MCF2L: variants seen among roughly 807,000 people sequenced by gnomAD.
MCF2L encodes the protein guanine nucleotide exchange factor DBS.
In MCF2L, 97 loss-of-function variants were observed where a neutral mutation model predicts 153.4. The ratio of observed to expected loss-of-function variants is 0.63; its 90% CI spans 0.54 to 0.75. MCF2L has a LOEUF of 0.75. Ranked by LOEUF, MCF2L falls within the 30% of genes least tolerant of loss-of-function variation. The pLI, the probability that MCF2L is intolerant of heterozygous loss-of-function variation, is 0.00. For missense variants in MCF2L, 1,347 were observed against 1,495.2 expected (o/e 0.90, Z 1.64); for synonymous variants, 659 against 632.2 (o/e 1.04, Z -0.64).
Position 113,074,478 on chromosome 13 carries a change from T to G in MCF2L, c.1031T>G (p.Ile344Arg), listed in dbSNP as rs745549893. Reference sequence around the variant, plus strand: ...ATCTTGGACGCAGCGTCCCAGAAGATAGCAACCTTCACAGACATCGGCAAC... The same window carrying G: ...ATCTTGGACGCAGCGTCCCAGAAGAGAGCAACCTTCACAGACATCGGCAAC... ...KAILDAASQKIATFTDIGNSL... is the reference protein window; with the variant it reads ...KAILDAASQKRATFTDIGNSL... The change falls in exon 10 of 30, where the codon ATA becomes AGA. Residue 344 changes from isoleucine (I) to arginine (R), a missense_variant. Coordinates refer to ENST00000535094, the MANE Select transcript of MCF2L (RefSeq NM_001112732.3). This position sits in a 1 kb window ranked among gnomAD's most constrained non-coding sequence, Gnocchi z 4.2. 3 of 1,614,038 alleles carry G rather than the reference T, an allele frequency of 1.9e-6. No homozygotes were observed. Among genetic ancestry groups the G allele is most frequent in the Non-Finnish European group, 2.5e-6 (3 of 1,180,002 alleles).
rs1385588189 is a variant in MCF2L at position 113,054,713 on chromosome 13, C to A, written c.370-5880C>A. 2.0e-5 allele frequency: 3 copies of A among 152,096 alleles called. No homozygotes were observed. The highest frequency in any genetic ancestry group is 2.0e-4 in the Admixed American group (3 of 15,272). 9.4% of individuals were successfully genotyped at this position (152,096 alleles called of 1,614,324 possible). Reference sequence around the variant, plus strand: ...GGGGAGGGTTTTTCAAACAGGGTTCCCCAAAGTACCCAGTTCTACAAAGTT... The same window carrying A: ...GGGGAGGGTTTTTCAAACAGGGTTCACCAAAGTACCCAGTTCTACAAAGTT... On this transcript the variant is annotated intron_variant, in intron 4 of 29. Transcript: ENST00000535094. The surrounding 1 kb of genome is among the most constrained non-coding windows in gnomAD (Gnocchi z 5.2).
chr13:113,090,183 A>C, intron 26 of MCF2L: 1 of 1,506,276 alleles, frequency 6.6e-7, no homozygotes, highest in Admixed American at 2.0e-5. Flanking sequence ...CCTGCCCCAA[A>C]CCCACCCTCA....
chr13:112,908,751 T>TTG (rs397823588), intron 2 of MCF2L, among the ~76,000 whole-genome samples: 1 of 151,316 alleles, frequency 6.6e-6, no homozygotes, highest in Non-Finnish European at 1.5e-5. Context: ...TGTTTTTTTT[T>TTG]GAGACAGAGT....
chr13:113,082,029 C>A (rs1022396168), intron 16 of MCF2L, among the ~76,000 whole-genome samples: 2 of 151,562 alleles, frequency 1.3e-5, no homozygotes, highest in East Asian at 1.9e-4. Context: ...GTGTAGACAG[C>A]GAGTGTGCAC....
chr13:113,090,444 A>T (rs879539824), intron 26 of MCF2L: 1 of 97,972 alleles, frequency 1.0e-5, no homozygotes, highest in Non-Finnish European at 1.4e-5. Flanking sequence ...CCTGCCCCCC[A>T]CCCCCGCCTT....
chr13:113,013,449 T>G (rs965689770), intron 1 of MCF2L, among the ~76,000 whole-genome samples: 1 of 152,200 alleles, frequency 6.6e-6, no homozygotes, highest in African/African-American at 2.4e-5. Context: ...GTCCCATAGC[T>G]GGCAGGGCCG....
intron 3 of MCF2L, among the ~76,000 whole-genome samples, chr13:113,038,976 GC>G (rs2086316078): frequency 6.6e-6 from 1 of 152,174 alleles, no homozygotes; most frequent in African/African-American, 2.4e-5. Context: ...TCCTGCCTTA[GC>G]CTCCCGCATA....
intron 11 of MCF2L, among the ~76,000 whole-genome samples, chr13:113,075,397 T>C (rs1594941450): frequency 7.1e-6 from 1 of 139,976 alleles, no homozygotes. Context: ...TTTTTTTTTT[T>C]CTCACTGCAA....
rs75351348 is a variant in MCF2L at position 113,031,374 on chromosome 13, G to A, written c.278+6616G>A. Among the ~76,000 whole-genome samples the A allele has an allele frequency of 0.066, 9,991 of 152,230 alleles. 397 individuals are homozygous for A. The highest frequency in any genetic ancestry group is 0.18 in the East Asian group (938 of 5,160). ...ACTTAATGTAAACTGGGAAGCATTC[G>A]TCACAGAGATCCCAGGAGGGCGCCA... On this transcript the variant is annotated intron_variant, in intron 3 of 29. Coordinates refer to ENST00000535094, the MANE Select transcript of MCF2L (RefSeq NM_001112732.3). The surrounding 1 kb of genome is among the most constrained non-coding windows in gnomAD (Gnocchi z 5.5).
At chr13:113,037,750 G>A (rs2086239732) in intron 3 of MCF2L, among the ~76,000 whole-genome samples, 1 of 152,200 alleles carries the variant, frequency 6.6e-6, no homozygotes, top group Non-Finnish European at 1.5e-5. Context: ...TCATGGTGAG[G>A]TATTGAACGC....
At chr13:113,089,177 C>G (rs1191244747) in intron 25 of MCF2L, among the ~76,000 whole-genome samples, 2 of 125,126 alleles carry the variant, frequency 1.6e-5, no homozygotes, top group East Asian at 2.8e-4. Flanking sequence ...CCGCCCCCCC[C>G]CCCGCCCCCC....
At chr13:112,985,113 G>C in intron 1 of MCF2L, 1 of 292,556 alleles carries the variant, frequency 3.4e-6, no homozygotes, top group South Asian at 3.0e-5. Flanking sequence ...GCTCAGGCTT[G>C]TTCCTTTTTC....
At position 113,035,969 on chromosome 13, in the gene MCF2L, T is replaced by A. The variant is rs2141426737; in HGVS notation, c.279-9302T>A. On this transcript the variant is annotated intron_variant, in intron 3 of 29. Coordinates refer to ENST00000535094, the MANE Select transcript of MCF2L (RefSeq NM_001112732.3). The surrounding 1 kb of genome is among the most constrained non-coding windows in gnomAD (Gnocchi z 4.4). The stretch of plus-strand genomic sequence containing the variant: ...TTTGACCTCAGCAGGTAGAGTATCA[T>A]CTCCGTGGTACAGCAGGGGCCTGAG... Among the ~76,000 whole-genome samples, 1 of 152,072 alleles carries A rather than the reference T, an allele frequency of 6.6e-6. No homozygotes were observed. Among genetic ancestry groups the A allele is most frequent in the South Asian group, 2.1e-4 (1 of 4,804 alleles).
intron 2 of MCF2L, among the ~76,000 whole-genome samples, chr13:112,939,722 A>G (rs2081556154): frequency 6.6e-6 from 1 of 152,208 alleles, no homozygotes; most frequent in Non-Finnish European, 1.5e-5. Flanking sequence ...TCACGCCTGT[A>G]ATCCCAGCAC....
chr13:112,924,056 C>T (rs1040693478), intron 2 of MCF2L, among the ~76,000 whole-genome samples: 2 of 152,014 alleles, frequency 1.3e-5, no homozygotes, highest in African/African-American at 4.8e-5. Flanking sequence ...CCGGTTTATC[C>T]CGTTACTGGT....
rs759721293 is a variant in MCF2L at position 113,085,118 on chromosome 13, C to A, written c.2187C>A (p.Ser729Arg). 15 of 1,613,714 alleles carry A rather than the reference C, an allele frequency of 9.3e-6. No individual in the cohort carries two copies. The highest frequency in any genetic ancestry group is 1.3e-5 in the Non-Finnish European group (15 of 1,180,028). ...AGAGAAAGCTGGACCACAAGCTGAG[C>A]CTGGACTCCTACCTGCTGAAGCCAG... ...ECQRKLDHKL[S>R]LDSYLLKPVQ... Residue 729 changes from serine to arginine, a missense_variant, in exon 20 of 30, where the codon AGC becomes AGA. Ser to Arg is a moderately radical substitution (Grantham distance 110). This residue lies in a region of MCF2L where 144 missense variants were observed against 238.7 expected (regional missense o/e 0.60). Transcript: ENST00000535094.
intron 1 of MCF2L, among the ~76,000 whole-genome samples, chr13:112,978,470 A>G (rs1469966684): frequency 3.3e-5 from 5 of 152,132 alleles, no homozygotes; most frequent in Admixed American, 3.3e-4. Context: ...CCAGCACAGA[A>G]CACTTTGAAC....
At chr13:113,039,203 AG>A (rs1013774478) in intron 3 of MCF2L, among the ~76,000 whole-genome samples, 2 of 152,172 alleles carry the variant, frequency 1.3e-5, no homozygotes, top group African/African-American at 4.8e-5. Flanking sequence ...TGTAGCACAG[AG>A]GGGGATGGAC....
chr13:113,062,027 G>A (rs1361982161), intron 5 of MCF2L, among the ~76,000 whole-genome samples: 1 of 149,962 alleles, frequency 6.7e-6, no homozygotes, highest in Non-Finnish European at 1.5e-5. Flanking sequence ...CAGGTGCAGG[G>A]TGTTCTGCAT....
Sources: allele counts gnomAD v4.1 joint callset (sites outside exome capture counted in the v4.1 genomes callset), GRCh38; gene constraint gnomAD v4.1.1; regional missense constraint gnomAD v4.1.1; non-coding constraint Gnocchi (gnomAD v3.1); transcripts MANE v1.5; gene names NCBI Gene and HGNC (gene_info 2026-07-23, HGNC 2026-07-21).